Variants in CLMP observed in about 807,000 individuals in gnomAD.
The protein encoded by CLMP is CXADR like cell adhesion molecule.
In CLMP, 27 loss-of-function variants were observed where a neutral mutation model predicts 45.2. That is an observed-to-expected ratio of 0.60 (90% CI 0.44 to 0.82). The LOEUF (loss-of-function observed/expected upper bound fraction) is 0.82. Among genes scored for constraint, CLMP ranks in the 40% least tolerant of loss-of-function variants. The probability of loss-of-function intolerance (pLI) is 0.00; values close to 1 mark genes in which losing one functional copy is unlikely to be tolerated. For synonymous variants in CLMP, 167 were observed against 171.4 expected, an observed-to-expected ratio of 0.97 and a Z score of 0.20; for missense variants, 403 against 448.4, an observed-to-expected ratio of 0.90 and a Z score of 0.91.
chr11:123,111,468 T>C (rs1860637537), intron 1 of CLMP, among the ~76,000 whole-genome samples: 1 of 152,152 alleles, frequency 6.6e-6, no homozygotes, highest in Non-Finnish European at 1.5e-5. Context: ...TTTTCAAGAT[T>C]GTTGAAGGGA....
At chr11:123,086,976 T>C (rs1865871871) in intron 2 of CLMP, among the ~76,000 whole-genome samples, 1 of 152,130 alleles carries the variant, frequency 6.6e-6, no homozygotes, top group Admixed American at 6.5e-5. Context: ...AGCAGATCAC[T>C]TGAAGTCAGG....
chr11:123,111,536 C>T (rs1323468532), intron 1 of CLMP, among the ~76,000 whole-genome samples: 4 of 152,224 alleles, frequency 2.6e-5, no homozygotes, highest in African/African-American at 9.6e-5. Flanking sequence ...GCCCATCCAA[C>T]TACAGCATTT....
At chr11:123,148,354 G>T (rs2135522757) in intron 1 of CLMP, among the ~76,000 whole-genome samples, 1 of 152,308 alleles carries the variant, frequency 6.6e-6, no homozygotes, top group South Asian at 2.1e-4. Context: ...GGAATCTGAA[G>T]AAGAAGGGGA....
chr11:123,097,109 C>A (rs1281996228), intron 2 of CLMP, among the ~76,000 whole-genome samples: 1 of 152,132 alleles, frequency 6.6e-6, no homozygotes, highest in East Asian at 1.9e-4. Flanking sequence ...CCCTCAGGCT[C>A]CCAAAGTGTT....
intron 1 of CLMP, among the ~76,000 whole-genome samples, chr11:123,142,483 G>C (rs1025385068): frequency 6.6e-6 from 1 of 152,164 alleles, no homozygotes; most frequent in Non-Finnish European, 1.5e-5. Flanking sequence ...GGCAGAGAAA[G>C]TGGGAAACCT....
Position 123,194,912 on chromosome 11 carries a change from C to A in CLMP, c.28+1G>T, listed in dbSNP as rs749804569. Reference sequence around the variant, plus strand: ...ACTCCCGCCCTCCCAGAGGCACTCACCTAGCAAGAGGAGAAGGAGGAGGGA... The same window carrying A: ...ACTCCCGCCCTCCCAGAGGCACTCAACTAGCAAGAGGAGAAGGAGGAGGGA... On this transcript the variant is annotated splice_donor_variant, in intron 1 of 6. Coordinates refer to ENST00000448775, the MANE Select transcript of CLMP (RefSeq NM_024769.5). LOFTEE classifies it high-confidence loss of function. The A allele has an allele frequency of 6.2e-7, 1 of 1,613,492 alleles. No individual in the cohort carries two copies. Among genetic ancestry groups the A allele is most frequent in the Non-Finnish European group, 8.5e-7 (1 of 1,179,654 alleles).
intron 5 of CLMP, among the ~76,000 whole-genome samples, chr11:123,079,440 T>C (rs1445737804): frequency 6.6e-6 from 1 of 152,142 alleles, no homozygotes; most frequent in Non-Finnish European, 1.5e-5. Context: ...AAACTGCCTG[T>C]TACTTTTTTT....
chr11:123,176,233 G>C (rs1861697859), intron 1 of CLMP, among the ~76,000 whole-genome samples: 1 of 151,950 alleles, frequency 6.6e-6, no homozygotes, highest in African/African-American at 2.4e-5. Context: ...TTTGTATTTT[G>C]GTTTAAAACT....
chr11:123,188,243 G>A (rs1861858761), intron 1 of CLMP, among the ~76,000 whole-genome samples: 2 of 152,160 alleles, frequency 1.3e-5, no homozygotes, highest in South Asian at 2.1e-4. Flanking sequence ...TGTGCCTGAA[G>A]TAGGAAATGT....
At chr11:123,153,235 C>A (rs755761302) in intron 1 of CLMP, among the ~76,000 whole-genome samples, 1 of 152,310 alleles carries the variant, frequency 6.6e-6, no homozygotes, top group South Asian at 2.1e-4. Flanking sequence ...CTCCTCTCCC[C>A]CAGGCATAGA....
At chr11:123,076,856 T>G (rs1213104931) in intron 5 of CLMP, among the ~76,000 whole-genome samples, 1 of 152,098 alleles carries the variant, frequency 6.6e-6, no homozygotes, top group East Asian at 1.9e-4. Context: ...GCAGGGACAT[T>G]GGCTAGGAGG....
intron 1 of CLMP, among the ~76,000 whole-genome samples, chr11:123,099,702 G>T (rs556943328): frequency 4.6e-5 from 7 of 152,266 alleles, no homozygotes; most frequent in Non-Finnish European, 1.0e-4. Context: ...GTGGGGGGCA[G>T]ATATTCAGTG....
intron 1 of CLMP, among the ~76,000 whole-genome samples, chr11:123,181,409 G>A (rs762536643): frequency 2.0e-5 from 3 of 152,200 alleles, no homozygotes; most frequent in South Asian, 4.1e-4. Context: ...GCCCTCAAGC[G>A]ATTGCTTTCG....
At chr11:123,142,929 G>A (rs187703782) in intron 1 of CLMP, among the ~76,000 whole-genome samples, 4 of 152,278 alleles carry the variant, frequency 2.6e-5, no homozygotes, top group African/African-American at 9.6e-5. Flanking sequence ...CCCGGCCGAT[G>A]AGGTTTCTTA....
intron 1 of CLMP, among the ~76,000 whole-genome samples, chr11:123,111,937 A>G (rs1489057206): frequency 6.6e-6 from 1 of 152,142 alleles, no homozygotes; most frequent in African/African-American, 2.4e-5. Flanking sequence ...ATTTTTTTAG[A>G]GACGGTATTT....
chr11:123,091,606 T>G (rs1273436777), intron 2 of CLMP, among the ~76,000 whole-genome samples: 6 of 152,270 alleles, frequency 3.9e-5, no homozygotes, highest in African/African-American at 1.4e-4. Context: ...CCTATGCACG[T>G]CTCCTACTGA....
At chr11:123,106,207 T>A (rs1860546884) in intron 1 of CLMP, among the ~76,000 whole-genome samples, 1 of 152,134 alleles carries the variant, frequency 6.6e-6, no homozygotes, top group Non-Finnish European at 1.5e-5. Flanking sequence ...AGATAATTCT[T>A]CTTCTTCCAG....
intron 1 of CLMP, among the ~76,000 whole-genome samples, chr11:123,159,426 C>T (rs945944364): frequency 7.9e-5 from 12 of 152,140 alleles, no homozygotes; most frequent in African/African-American, 2.9e-4. Flanking sequence ...TGTGTCTTCT[C>T]AGGTCTCCTG....
intron 1 of CLMP, among the ~76,000 whole-genome samples, chr11:123,100,108 C>T (rs1042675710): frequency 2.0e-5 from 3 of 152,126 alleles, no homozygotes; most frequent in Non-Finnish European, 2.9e-5. Flanking sequence ...CGGTGGCTCA[C>T]GCCTGTAATC....
Sources: gnomAD v4.1 joint callset for allele counts (sites outside exome capture counted in the v4.1 genomes callset) on GRCh38, gnomAD v4.1.1 for gene constraint, MANE v1.5 for transcripts, NCBI Gene and HGNC (gene_info 2026-07-23, HGNC 2026-07-21) for gene names.